Variants in FSIP1 observed in about 807,000 individuals in gnomAD.
FSIP1 encodes fibrous sheath-interacting protein 1.
In FSIP1, 65 loss-of-function variants were observed where a neutral mutation model predicts 60.9. The observed-to-expected ratio is 1.07, with a 90% CI of 0.87 to 1.31. The LOEUF (loss-of-function observed/expected upper bound fraction) is 1.31, where lower values mean the gene tolerates loss of function less well. FSIP1 is among the 40% of genes most tolerant of loss of function. The pLI, the probability that FSIP1 is intolerant of heterozygous loss-of-function variation, is 0.00. For missense variants in FSIP1, 675 were observed against 665.5 expected (o/e 1.01, Z -0.16); for synonymous variants, 209 against 221.2 (o/e 0.94, Z 0.49).
intron 10 of FSIP1, among the ~76,000 whole-genome samples, chr15:39,686,897 G>C (rs1410842075): frequency 6.6e-6 from 1 of 152,120 alleles, no homozygotes; most frequent in Non-Finnish European, 1.5e-5. Flanking sequence ...GCAGGAGAAT[G>C]GGGCAGACAG....
intron 8 of FSIP1, among the ~76,000 whole-genome samples, chr15:39,727,628 C>T (rs1180795798): frequency 2.0e-5 from 3 of 152,074 alleles, no homozygotes; most frequent in Non-Finnish European, 4.4e-5. Flanking sequence ...AGAACAGAAT[C>T]CAGAGATACA....
downstream of FSIP1, chr15:39,600,012 T>C (rs1216426014): frequency 1.3e-5 from 2 of 152,250 alleles, no homozygotes; most frequent in Non-Finnish European, 2.9e-5. Flanking sequence ...TGGATGAACA[T>C]GTGCCAGCAA....
At chr15:39,749,514 T>C (rs1003026803) in intron 5 of FSIP1, among the ~76,000 whole-genome samples, 2 of 152,078 alleles carry the variant, frequency 1.3e-5, no homozygotes, top group African/African-American at 2.4e-5. Context: ...GTTTAACTTA[T>C]GTAAATCAAT....
At chr15:39,607,865 C>T (rs1303135591) in intron 11 of FSIP1, among the ~76,000 whole-genome samples, 1 of 152,312 alleles carries the variant, frequency 6.6e-6, no homozygotes, top group East Asian at 1.9e-4. Flanking sequence ...GAATCACACT[C>T]TTGTGTATCT....
intron 2 of FSIP1, among the ~76,000 whole-genome samples, chr15:39,772,498 T>C (rs553518480): frequency 1.3e-4 from 20 of 152,164 alleles, no homozygotes; most frequent in African/African-American, 4.8e-4. Flanking sequence ...TTTCACCATA[T>C]TGCCTAGGCT....
At chr15:39,599,116 G>A (rs1400731023), downstream of FSIP1, 3 of 151,880 alleles carry the variant, frequency 2.0e-5, no homozygotes, top group African/African-American at 7.3e-5. Context: ...GTAAAGACGG[G>A]GTTTCACCTT....
chr15:39,694,171 T>C (rs958265422), intron 10 of FSIP1, among the ~76,000 whole-genome samples: 2 of 147,886 alleles, frequency 1.4e-5, no homozygotes, highest in Admixed American at 1.3e-4. Flanking sequence ...AGAGATTTAT[T>C]TTTTTTTTTT....
At chr15:39,686,120 A>T (rs1164526090) in intron 10 of FSIP1, among the ~76,000 whole-genome samples, 2 of 152,198 alleles carry the variant, frequency 1.3e-5, no homozygotes, top group Non-Finnish European at 2.9e-5. Flanking sequence ...GCAATAGGCT[A>T]ACCGAATTCA....
chr15:39,769,061 C>T (rs1459149474), intron 3 of FSIP1, among the ~76,000 whole-genome samples: 6 of 152,036 alleles, frequency 3.9e-5, no homozygotes, highest in South Asian at 4.2e-4. Flanking sequence ...GGGCAGATCA[C>T]GAGGTCAGGA....
chr15:39,682,514 G>C (rs1022596824), intron 10 of FSIP1, among the ~76,000 whole-genome samples: 1 of 152,194 alleles, frequency 6.6e-6, no homozygotes, highest in Non-Finnish European at 1.5e-5. Context: ...CCCCAGGAAG[G>C]GGTGAGGGGG....
At chr15:39,726,852 AACACAC>A in intron 8 of FSIP1, 105 bp from the exon 9 acceptor site, 4 of 621,902 alleles carry the variant, frequency 6.4e-6, no homozygotes, top group Non-Finnish European at 1.1e-5. Context: ...TACACACACA[AACACAC>A]ACACACACAC....
rs1188952803 is a variant in FSIP1 at position 39,600,120 on chromosome 15, T to A, written c.*760A>T. 6.6e-6 allele frequency: 1 copy of A among 152,224 alleles called. No individual in the cohort carries two copies. Among genetic ancestry groups the A allele is most frequent in the Non-Finnish European group, 1.5e-5 (1 of 68,034 alleles). 9.4% of individuals were successfully genotyped at this position (152,224 alleles called of 1,614,324 possible). On this transcript the variant is annotated 3_prime_UTR_variant, in exon 12 of 12. Coordinates refer to ENST00000350221, the MANE Select transcript of FSIP1 (RefSeq NM_152597.5). ...AAATAAACTGGACTTCCAATTCTAA[T>A]GCCAACTCATCTTATGGAATGTCAA... is the stretch of plus-strand genomic sequence containing the variant.
chr15:39,779,184 T>C (rs939398074), intron 1 of FSIP1, among the ~76,000 whole-genome samples: 1 of 152,036 alleles, frequency 6.6e-6, no homozygotes, highest in African/African-American at 2.4e-5. Context: ...AATAGAAAAC[T>C]GGGTAAAGAT....
intron 10 of FSIP1, among the ~76,000 whole-genome samples, chr15:39,636,432 C>A (rs1320901098): frequency 6.6e-6 from 1 of 152,164 alleles, no homozygotes; most frequent in East Asian, 1.9e-4. Flanking sequence ...TTGAGGCATT[C>A]TGGGATCTAA....
intron 10 of FSIP1, among the ~76,000 whole-genome samples, chr15:39,692,745 T>TA (rs35573315): frequency 7.8e-4 from 115 of 147,112 alleles, no homozygotes; most frequent in African/African-American, 2.2e-3. Flanking sequence ...ACCCTAGGTT[T>TA]AAAAAAAAAA....
intron 10 of FSIP1, among the ~76,000 whole-genome samples, chr15:39,701,311 A>G (rs2140524394): frequency 6.6e-6 from 1 of 152,346 alleles, no homozygotes; most frequent in Non-Finnish European, 1.5e-5. Flanking sequence ...AGGGCAAAAA[A>G]AAAGTTGGAA....
At chr15:39,765,293 G>T (rs1897644927) in intron 4 of FSIP1, among the ~76,000 whole-genome samples, 1 of 141,850 alleles carries the variant, frequency 7.0e-6, no homozygotes, top group Non-Finnish European at 1.5e-5. Context: ...AGGCTGGAGT[G>T]CAGTGACATG....
At position 39,668,511 on chromosome 15, in the gene FSIP1, T is replaced by C. The variant is rs139136581; in HGVS notation, c.1188+44933A>G. Among the ~76,000 whole-genome samples the C allele has an allele frequency of 3.7e-3, 569 of 152,358 alleles. 4 individuals carry two copies. Among genetic ancestry groups the C allele is most frequent in the African/African-American group, 0.013 (544 of 41,588 alleles). ...CTAACCAGCATTTTGCAGCTTGACT[T>C]CTTTTGGGTATTTAAGAAAATTAGC... On this transcript the variant is annotated intron_variant, in intron 10 of 11. Coordinates refer to ENST00000350221, the MANE Select transcript of FSIP1 (RefSeq NM_152597.5).
chr15:39,765,070 G>A (rs752624643), intron 4 of FSIP1, among the ~76,000 whole-genome samples: 2 of 152,024 alleles, frequency 1.3e-5, no homozygotes, highest in Non-Finnish European at 2.9e-5. Context: ...AAATCTGAAT[G>A]TTGCAGACCA....
Sources: gnomAD v4.1 joint callset for allele counts (sites outside exome capture counted in the v4.1 genomes callset) on GRCh38, gnomAD v4.1.1 for gene constraint, MANE v1.5 for transcripts, NCBI Gene and HGNC (gene_info 2026-07-23, HGNC 2026-07-21) for gene names.